CHST11: variants seen among roughly 807,000 people sequenced by gnomAD.
The protein encoded by CHST11 is C4S-1.
CHST11 carries 9 observed loss-of-function variants against 30.4 expected under a neutral mutation model. The observed-to-expected ratio is 0.30, with a 90% CI of 0.18 to 0.52. The LOEUF (loss-of-function observed/expected upper bound fraction) is 0.52, where lower values mean the gene tolerates loss of function less well. Among genes scored for constraint, CHST11 ranks in the 20% least tolerant of loss-of-function variants. CHST11 has a pLI of 0.97. For missense variants in CHST11, 348 were observed against 460.6 expected, an observed-to-expected ratio of 0.76 and a Z score of 2.24; for synonymous variants, 152 against 187.8, an observed-to-expected ratio of 0.81 and a Z score of 1.56.
intron 2 of CHST11, among the ~76,000 whole-genome samples, chr12:104,630,893 C>T (rs766042951): frequency 7.2e-5 from 11 of 152,274 alleles, no homozygotes; most frequent in Non-Finnish European, 1.6e-4. Flanking sequence ...TTATGTCTGC[C>T]TTAAGGGAAG....
In CHST11 at chr12:104,495,301, G is replaced by A. The variant is rs1259972255; in HGVS notation, c.118+37772G>A. 6.6e-5 allele frequency among the ~76,000 whole-genome samples: 10 copies of A among 152,152 alleles called. No homozygotes were observed. In the East Asian group the frequency reaches 7.7e-4, roughly 12 times the overall value. On this transcript the variant is annotated intron_variant, in intron 1 of 2. Coordinates refer to ENST00000303694, the MANE Select transcript of CHST11 (RefSeq NM_018413.6). The stretch of plus-strand genomic sequence containing the variant: ...AACATAGGTGTGTAAATATCTCTCC[G>A]GAATCCTGCTTTCAATTCTTTTGAA...
intron 2 of CHST11, among the ~76,000 whole-genome samples, chr12:104,732,949 C>T (rs750074358): frequency 5.3e-5 from 8 of 152,212 alleles, no homozygotes; most frequent in Non-Finnish European, 7.3e-5. Context: ...ACAAAGAGGG[C>T]GTCAGCCCTG....
chr12:104,496,273 C>A (rs945418030), intron 1 of CHST11, among the ~76,000 whole-genome samples: 3 of 152,110 alleles, frequency 2.0e-5, no homozygotes, highest in Admixed American at 2.0e-4. Context: ...TTAGAGCCAC[C>A]AGATTTTCTG....
At chr12:104,608,616 G>T (rs74658212) in intron 2 of CHST11, among the ~76,000 whole-genome samples, 1,983 of 152,034 alleles carry the variant, frequency 0.013, 30 homozygotes, top group African/African-American at 0.037. Context: ...CAATTCCCTT[G>T]GTAAACTCTT....
At chr12:104,622,418 A>G (rs1012057910) in intron 2 of CHST11, among the ~76,000 whole-genome samples, 4 of 152,234 alleles carry the variant, frequency 2.6e-5, no homozygotes, top group Non-Finnish European at 5.9e-5. Flanking sequence ...TGAAATGATT[A>G]TATAATTCTT....
chr12:104,461,315 CCTT>C (rs1209668528), intron 1 of CHST11, among the ~76,000 whole-genome samples: 2 of 152,190 alleles, frequency 1.3e-5, no homozygotes, highest in African/African-American at 4.8e-5. Context: ...AGAACAGACA[CCTT>C]CTATGGCCGT....
chr12:104,588,593 G>C (rs763540346), intron 1 of CHST11, among the ~76,000 whole-genome samples: 1 of 152,120 alleles, frequency 6.6e-6, no homozygotes, highest in Non-Finnish European at 1.5e-5. Flanking sequence ...TGCCTGCCTC[G>C]GGCTCACAAA....
At chr12:104,682,157 C>T (rs2039803413) in intron 2 of CHST11, among the ~76,000 whole-genome samples, 1 of 152,156 alleles carries the variant, frequency 6.6e-6, no homozygotes, top group Non-Finnish European at 1.5e-5. Flanking sequence ...AAAAAAGACA[C>T]TGGCATAATA....
intron 2 of CHST11, among the ~76,000 whole-genome samples, chr12:104,654,203 C>T (rs1344605415): frequency 1.3e-5 from 2 of 152,160 alleles, no homozygotes; most frequent in African/African-American, 2.4e-5. Flanking sequence ...GAGGGAGCTC[C>T]AAGGCTACCT....
rs149267237 is a variant in CHST11, at chr12:104,736,158, A to G, written c.205-20791A>G. 5.5e-4 allele frequency among the ~76,000 whole-genome samples: 83 copies of G among 152,242 alleles called. 1 individual carries two copies. Among genetic ancestry groups the G allele is most frequent in the African/African-American group, 1.9e-3 (80 of 41,540 alleles). On this transcript the variant is annotated intron_variant, in intron 2 of 2. Coordinates refer to ENST00000303694, the MANE Select transcript of CHST11 (RefSeq NM_018413.6). ...CAATGTCCAACGGGAAGGTGAGAGC[A>G]TGCTTCTCGCCTCTGGTATAAATCC...
Position 104,546,818 on chromosome 12 carries a change from G to A in CHST11, c.119-55088G>A, listed in dbSNP as rs550459272. 5.3e-5 allele frequency among the ~76,000 whole-genome samples: 8 copies of A among 152,342 alleles called. No homozygotes were observed. In the South Asian group the frequency reaches 1.4e-3, roughly 28 times the overall value. On this transcript the variant is annotated intron_variant, in intron 1 of 2. Coordinates refer to ENST00000303694, the MANE Select transcript of CHST11 (RefSeq NM_018413.6). Reference sequence around the variant, plus strand: ...GAGAAGTGGGGATAGGACCAGCCACGTGTGTACCCTTGGGCGGTTGGTACA... The same window carrying A: ...GAGAAGTGGGGATAGGACCAGCCACATGTGTACCCTTGGGCGGTTGGTACA...
intron 1 of CHST11, among the ~76,000 whole-genome samples, chr12:104,526,880 G>A (rs1314661653): frequency 6.6e-6 from 1 of 152,204 alleles, no homozygotes; most frequent in African/African-American, 2.4e-5. Flanking sequence ...TGAGTCTTGA[G>A]CAAGATGGCC....
At chr12:104,621,952 T>C (rs190357153) in intron 2 of CHST11, among the ~76,000 whole-genome samples, 9 of 152,060 alleles carry the variant, frequency 5.9e-5, no homozygotes, top group Non-Finnish European at 1.2e-4. Flanking sequence ...GTCTGGAAAA[T>C]GGGATGCTGA....
chr12:104,666,240 T>A (rs1404401907), intron 2 of CHST11, among the ~76,000 whole-genome samples: 1 of 152,222 alleles, frequency 6.6e-6, no homozygotes, highest in African/African-American at 2.4e-5. Flanking sequence ...GCATTTGAAA[T>A]GATCACGGGT....
intron 1 of CHST11, among the ~76,000 whole-genome samples, chr12:104,477,804 G>C (rs1362161135): frequency 6.6e-6 from 1 of 152,212 alleles, no homozygotes; most frequent in Non-Finnish European, 1.5e-5. Flanking sequence ...CTAAGACAAG[G>C]AACGATCCTT....
chr12:104,576,930 G>A (rs947447040), intron 1 of CHST11, among the ~76,000 whole-genome samples: 1 of 152,130 alleles, frequency 6.6e-6, no homozygotes, highest in African/African-American at 2.4e-5. Context: ...ATGTCGGGTG[G>A]GGACAGTGCT....
At chr12:104,646,411 G>A (rs916577379) in intron 2 of CHST11, among the ~76,000 whole-genome samples, 4 of 152,078 alleles carry the variant, frequency 2.6e-5, no homozygotes, top group Non-Finnish European at 5.9e-5. Context: ...TGGAACCCTG[G>A]AGTTCACCTT....
chr12:104,523,570 C>T (rs11608669), intron 1 of CHST11, among the ~76,000 whole-genome samples: 56,814 of 152,078 alleles, frequency 0.37, 11,107 homozygotes, highest in African/African-American at 0.46. Context: ...GTCATTGAAC[C>T]TTAGAGAGTG....
intron 2 of CHST11, among the ~76,000 whole-genome samples, chr12:104,756,154 C>A (rs989586740): frequency 6.6e-6 from 1 of 152,196 alleles, no homozygotes; most frequent in African/African-American, 2.4e-5. Context: ...AAAAGAAGGA[C>A]CATACTGAAC....
Sources: gnomAD v4.1 joint callset for allele counts (sites outside exome capture counted in the v4.1 genomes callset) on GRCh38, gnomAD v4.1.1 for gene constraint, MANE v1.5 for transcripts, NCBI Gene and HGNC (gene_info 2026-07-23, HGNC 2026-07-21) for gene names.